USP25: variants seen among roughly 807,000 people sequenced by gnomAD.
USP25 encodes the protein ubiquitin specific peptidase 25, also known as ubiquitin carboxyl-terminal hydrolase 25.
A neutral mutation model predicts 158.5 loss-of-function variants in USP25; 85 were observed. The ratio of observed to expected loss-of-function variants is 0.54; its 90% CI spans 0.45 to 0.64. The LOEUF (loss-of-function observed/expected upper bound fraction) is 0.64. Among genes scored for constraint, USP25 ranks in the 30% least tolerant of loss-of-function variants. USP25 has a pLI of 0.00. For missense variants in USP25, 1,242 were observed against 1,327.3 expected (o/e 0.94, Z 1.00); for synonymous variants, 464 against 460.4 (o/e 1.01, Z -0.10).
chr21:15,856,633 G>A (rs527868138), intron 20 of USP25, among the ~76,000 whole-genome samples: 17 of 151,998 alleles, frequency 1.1e-4, no homozygotes, highest in African/African-American at 2.9e-4. Context: ...TACCACGCCC[G>A]GCTAATTTTT....
intron 1 of USP25, among the ~76,000 whole-genome samples, chr21:15,734,864 CATACG>C: frequency 6.6e-6 from 1 of 152,126 alleles, no homozygotes; most frequent in Non-Finnish European, 1.5e-5. Flanking sequence ...ACCATTTGTA[CATACG>C]ATATATGAAT....
intron 25 of USP25, 78 bp downstream of exon 25, chr21:15,878,069 C>A (rs971768661): frequency 2.5e-6 from 3 of 1,212,376 alleles, no homozygotes; most frequent in African/African-American, 1.5e-5. Context: ...TTTATTCTTG[C>A]CATTTTTTAT....
intron 4 of USP25, among the ~76,000 whole-genome samples, chr21:15,790,981 T>G (rs1464755174): frequency 2.6e-5 from 4 of 151,884 alleles, no homozygotes; most frequent in Middle Eastern, 6.3e-3. Context: ...TTTCCTTTAC[T>G]TGGCTCTCAT....
At chr21:15,776,800 A>G (rs566202336) in intron 3 of USP25, among the ~76,000 whole-genome samples, 73 of 152,282 alleles carry the variant, frequency 4.8e-4, no homozygotes, top group Non-Finnish European at 8.7e-4. Flanking sequence ...TGATCATGCC[A>G]CTGCCCTCTA....
intron 19 of USP25, among the ~76,000 whole-genome samples, chr21:15,848,425 A>C (rs2038729076): frequency 6.6e-6 from 1 of 152,132 alleles, no homozygotes; most frequent in African/African-American, 2.4e-5. Flanking sequence ...TTATTCTATC[A>C]GATGATTTTC....
chr21:15,874,654 G>T (rs546673782), intron 24 of USP25, 128 bp downstream of exon 24: 3 of 889,998 alleles, frequency 3.4e-6, no homozygotes, highest in South Asian at 5.4e-5. Flanking sequence ...TCTATAAACT[G>T]GTTCTAGTCC....
chr21:15,847,741 A>G lies in USP25; in HGVS notation c.2416A>G (p.Met806Val). 6.5e-7 allele frequency: 1 copy of G among 1,550,170 alleles called. No individual in the cohort carries two copies. Among genetic ancestry groups the G allele is most frequent in the Non-Finnish European group, 8.7e-7 (1 of 1,146,628 alleles). ...GGCGATCCCTCATGTAGGGAAATTT[A>G]TGATTGAATCAAAGGAGGGGGGGTA... ...EVAIPHVGKF[M>V]IESKEGGYDD... Residue 806 changes from methionine to valine, a missense_variant, in exon 19 of 26, where the codon ATG (methionine) becomes GTG (valine). Met to Val is a conservative substitution (Grantham distance 21, BLOSUM62 1). Coordinates refer to ENST00000400183, the MANE Select transcript of USP25 (RefSeq NM_001283041.3).
intron 1 of USP25, 74 bp downstream of exon 1, chr21:15,730,512 GC>G: frequency 2.3e-6 from 3 of 1,278,222 alleles, no homozygotes; most frequent in Non-Finnish European, 2.0e-6. Context: ...GCGGCCGGGC[GC>G]CCCGGCCTCG....
At chr21:15,811,742 T>G (rs1482361017) in intron 9 of USP25, among the ~76,000 whole-genome samples, 3 of 152,234 alleles carry the variant, frequency 2.0e-5, no homozygotes, top group Non-Finnish European at 4.4e-5. Flanking sequence ...TACCTGTTTC[T>G]TAAAATTTGG....
At chr21:15,856,519 T>A (rs1328303117) in intron 20 of USP25, among the ~76,000 whole-genome samples, 1 of 152,212 alleles carries the variant, frequency 6.6e-6, no homozygotes, top group East Asian at 1.9e-4. Context: ...TCGCCCAGGC[T>A]GGAGTGCAGT....
intron 4 of USP25, among the ~76,000 whole-genome samples, chr21:15,787,297 G>GC (rs1461265618): frequency 6.6e-6 from 1 of 152,076 alleles, no homozygotes; most frequent in Admixed American, 6.6e-5. Context: ...AATAGCCAAA[G>GC]CAAGCCTGAA....
intron 1 of USP25, among the ~76,000 whole-genome samples, chr21:15,750,752 G>A (rs1390743670): frequency 6.6e-6 from 1 of 151,710 alleles, no homozygotes; most frequent in African/African-American, 2.4e-5. Context: ...GACTACAGGT[G>A]CCCGCCACCA....
intron 5 of USP25, among the ~76,000 whole-genome samples, chr21:15,792,209 C>A (rs1489131543): frequency 6.6e-6 from 1 of 151,178 alleles, no homozygotes; most frequent in Non-Finnish European, 1.5e-5. Flanking sequence ...ACTAAGAAAT[C>A]CCTTAATGAT....
At chr21:15,873,968 CCTGT>C (rs10607194) in intron 23 of USP25, among the ~76,000 whole-genome samples, 9,801 of 151,896 alleles carry the variant, frequency 0.065, 942 homozygotes, top group African/African-American at 0.21. Flanking sequence ...TAGAAAAGAA[CCTGT>C]CTAAGTTGTC....
chr21:15,840,373 T>A (rs2038273838), intron 17 of USP25, among the ~76,000 whole-genome samples: 1 of 152,284 alleles, frequency 6.6e-6, no homozygotes, highest in South Asian at 2.1e-4. Context: ...TCCTTAAAAT[T>A]AGTGAAGTAT....
intron 10 of USP25, among the ~76,000 whole-genome samples, chr21:15,820,970 A>C (rs1009759162): frequency 6.6e-6 from 1 of 152,028 alleles, no homozygotes; most frequent in African/African-American, 2.4e-5. Flanking sequence ...TATCCAAAAT[A>C]ACTGCTTAAA....
chr21:15,756,329 G>C (rs1001791187), intron 1 of USP25, among the ~76,000 whole-genome samples: 2 of 152,186 alleles, frequency 1.3e-5, no homozygotes, highest in Non-Finnish European at 2.9e-5. Flanking sequence ...ATGTTGGAGA[G>C]AGACCTTGCT....
intron 23 of USP25, among the ~76,000 whole-genome samples, chr21:15,874,190 C>CT (rs1293182139): frequency 6.6e-6 from 1 of 152,074 alleles, no homozygotes; most frequent in Non-Finnish European, 1.5e-5. Context: ...TATAGCTCTT[C>CT]TTTTTTTACT....
chr21:15,766,194 T>C lies in USP25; in HGVS notation c.268+53T>C, dbSNP rs1056390645. On this transcript the variant is annotated intron_variant, in intron 3 of 25. Coordinates refer to ENST00000400183, the MANE Select transcript of USP25 (RefSeq NM_001283041.3). This position sits in a 1 kb window ranked among gnomAD's most constrained non-coding sequence, Gnocchi z 4.0. Reference sequence around the variant, plus strand: ...TTAATAGAAACATACTGAAAAACTTTTCTTGGTGTAATATATTAATGTTGC... The same window carrying C: ...TTAATAGAAACATACTGAAAAACTTCTCTTGGTGTAATATATTAATGTTGC... 3.1e-5 allele frequency: 47 copies of C among 1,522,416 alleles called. No homozygotes were observed. Among genetic ancestry groups the C allele is most frequent in the Non-Finnish European group, 4.1e-5 (47 of 1,142,872 alleles). 94.3% of individuals were successfully genotyped at this position (1,522,416 alleles called of 1,614,324 possible). A position where few individuals can be genotyped will look rare whatever the true frequency, so the allele number is the denominator to read the frequency against.
Sources: gnomAD v4.1 joint callset for allele counts (sites outside exome capture counted in the v4.1 genomes callset) on GRCh38, gnomAD v4.1.1 for gene constraint, Gnocchi (gnomAD v3.1) non-coding constraint, MANE v1.5 for transcripts, NCBI Gene and HGNC (gene_info 2026-07-23, HGNC 2026-07-21) for gene names.